The following SCHIP1 variants were observed in gnomAD, a reference collection of about 807,000 sequenced individuals.
SCHIP1 encodes the protein schwannomin interacting protein 1, also known as schwannomin-interacting protein 1.
SCHIP1 carries 8 observed loss-of-function variants against 29.7 expected under a neutral mutation model. The observed-to-expected ratio is 0.27, with a 90% CI of 0.16 to 0.49. The LOEUF (loss-of-function observed/expected upper bound fraction) is 0.49, where lower values mean the gene tolerates loss of function less well. Among genes scored for constraint, SCHIP1 ranks in the 20% least tolerant of loss-of-function variants. SCHIP1 has a pLI of 0.99. For synonymous variants in SCHIP1, 76 were observed against 94.9 expected, an observed-to-expected ratio of 0.80 and a Z score of 1.16; for missense variants, 193 against 294.6, an observed-to-expected ratio of 0.66 and a Z score of 2.52.
the SCHIP1 span, among the ~76,000 whole-genome samples, chr3:159,466,007 A>G: frequency 5.3e-5 from 8 of 152,230 alleles, no homozygotes; most frequent in Non-Finnish European, 8.8e-5. Context: ...GCTATGTTAC[A>G]CAATTTTTGA....
the SCHIP1 span, among the ~76,000 whole-genome samples, chr3:159,401,610 CA>C: frequency 6.6e-6 from 1 of 152,074 alleles, no homozygotes; most frequent in Non-Finnish European, 1.5e-5. Flanking sequence ...TACTTAAATC[CA>C]GGAAAATGTG....
the SCHIP1 span, among the ~76,000 whole-genome samples, chr3:159,311,247 A>G: frequency 6.6e-6 from 1 of 152,270 alleles, no homozygotes; most frequent in South Asian, 2.1e-4. Flanking sequence ...AGCTATCTCT[A>G]AGGAGTGTGA....
chr3:159,755,821 C>G, the SCHIP1 span, among the ~76,000 whole-genome samples: 1 of 152,240 alleles, frequency 6.6e-6, no homozygotes, highest in Non-Finnish European at 1.5e-5. Context: ...AACAAAGGGT[C>G]TACAGGCCCC....
the SCHIP1 span, among the ~76,000 whole-genome samples, chr3:159,585,760 A>G: frequency 6.6e-6 from 1 of 152,172 alleles, no homozygotes; most frequent in Non-Finnish European, 1.5e-5. Flanking sequence ...ACCCTATAGT[A>G]TAACTCTTAA....
chr3:159,806,152 G>A, the SCHIP1 span, among the ~76,000 whole-genome samples: 1 of 152,186 alleles, frequency 6.6e-6, no homozygotes, highest in African/African-American at 2.4e-5. Flanking sequence ...ATTGTGTTTT[G>A]AAGCTGCATG....
At chr3:159,454,402 A>G in the SCHIP1 span, among the ~76,000 whole-genome samples, 4 of 152,114 alleles carry the variant, frequency 2.6e-5, no homozygotes, top group African/African-American at 9.7e-5. Context: ...ATCTACAACA[A>G]AGGCAAGTCC....
chr3:159,790,634 C>T, the SCHIP1 span, among the ~76,000 whole-genome samples: 2 of 152,128 alleles, frequency 1.3e-5, no homozygotes, highest in East Asian at 1.9e-4. Flanking sequence ...TGCAGTGAGC[C>T]GAGATTGAGC....
chr3:159,888,842 G>C, exon 5 of SCHIP1: 1 of 1,614,058 alleles, frequency 6.2e-7, no homozygotes, highest in Admixed American at 1.7e-5. Context: ...CCTCATATAA[G>C]TGAATGCTTG....
chr3:159,731,705 C>G, the SCHIP1 span, among the ~76,000 whole-genome samples: 2 of 152,228 alleles, frequency 1.3e-5, no homozygotes, highest in Admixed American at 1.3e-4. Context: ...GATCCTCTGT[C>G]TCAAGGAAGC....
the SCHIP1 span, among the ~76,000 whole-genome samples, chr3:159,713,260 GAAAGAAAGAAA>G: frequency 2.0e-5 from 3 of 148,202 alleles, no homozygotes; most frequent in Non-Finnish European, 4.5e-5. Flanking sequence ...AAGAAAGAAA[GAAAGAAAGAAA>G]GAAAGAAAGA....
chr3:159,537,582 C>G, the SCHIP1 span, among the ~76,000 whole-genome samples: 1 of 152,020 alleles, frequency 6.6e-6, no homozygotes, highest in Non-Finnish European at 1.5e-5. Flanking sequence ...ATGCTGTACC[C>G]CACCTTGCCT....
chr3:159,401,144 G>A, the SCHIP1 span: 55 of 975,374 alleles, frequency 5.6e-5, no homozygotes, highest in Non-Finnish European at 6.1e-5. Flanking sequence ...AAGGCCTCAA[G>A]TGTAAGATAT....
At chr3:159,285,379 A>T in the SCHIP1 span, among the ~76,000 whole-genome samples, 120 of 152,276 alleles carry the variant, frequency 7.9e-4, 1 homozygote, top group East Asian at 0.018. Context: ...TAACTGATAG[A>T]TAAGTTACAA....
the SCHIP1 span, among the ~76,000 whole-genome samples, chr3:159,492,411 C>A: frequency 6.6e-6 from 1 of 152,098 alleles, no homozygotes; most frequent in South Asian, 2.1e-4. Context: ...CTTAAAGGAC[C>A]TGATGGAACT....
chr3:159,277,185 T>C, the SCHIP1 span, among the ~76,000 whole-genome samples: 151 of 152,332 alleles, frequency 9.9e-4, 3 homozygotes, highest in Middle Eastern at 3.4e-3. Context: ...CGGTTTCATT[T>C]TGTGTGCTTT....
the SCHIP1 span, among the ~76,000 whole-genome samples, chr3:159,804,259 A>G: frequency 1.7e-4 from 26 of 152,110 alleles, 1 homozygote; most frequent in Non-Finnish European, 2.9e-5. Context: ...GGTGAGGGAG[A>G]TTGGTAGCAG....
At chr3:159,625,076 C>G in the SCHIP1 span, among the ~76,000 whole-genome samples, 26,178 of 152,158 alleles carry the variant, frequency 0.17, 6,404 homozygotes, top group African/African-American at 0.54. Context: ...CAACAAACAA[C>G]AGACTTAAGA....
chr3:159,339,918 G>A, the SCHIP1 span, among the ~76,000 whole-genome samples: 7 of 151,980 alleles, frequency 4.6e-5, no homozygotes, highest in Admixed American at 4.6e-4. Flanking sequence ...AAACGTCTAA[G>A]ATATAAAATA....
chr3:159,849,785 T>TA lies in SCHIP1; in HGVS notation c.30+9572dup, dbSNP rs572799503. 2.6e-4 allele frequency among the ~76,000 whole-genome samples: 39 copies of TA among 152,338 alleles called. 1 individual carries two copies. The South Asian group carries it at 7.9e-3, about 31-fold the overall frequency. The stretch of plus-strand genomic sequence containing the variant: ...GCAGACCCTTTTTTCCTTTTGAACA[T>TA]ATGTGAGTTCCACAGAAGATTTCAG... On this transcript the variant is annotated intron_variant, in intron 1 of 6. Transcript: ENST00000445224.
Sources: allele counts gnomAD v4.1 joint callset (sites outside exome capture counted in the v4.1 genomes callset), GRCh38; gene constraint gnomAD v4.1.1; transcripts MANE v1.5; gene names NCBI Gene and HGNC (gene_info 2026-07-23, HGNC 2026-07-21).